Variants in NALF1 observed in about 807,000 individuals in gnomAD.
NALF1 encodes the protein NALCN channel auxiliary factor 1, also known as family with sequence similarity 155 member A.
NALF1 carries 3 observed loss-of-function variants against 48.4 expected under a neutral mutation model. The observed-to-expected ratio is 0.06, with a 90% CI of 0.03 to 0.16. The LOEUF (loss-of-function observed/expected upper bound fraction) is 0.16. Among genes scored for constraint, NALF1 ranks in the 10% least tolerant of loss-of-function variants. The pLI is 1.00. For synonymous variants in NALF1, 262 were observed against 245.7 expected (o/e 1.07, Z -0.62); for missense variants, 526 against 571.5 (o/e 0.92, Z 0.81).
intron 1 of NALF1, among the ~76,000 whole-genome samples, chr13:107,598,372 T>C (rs1159000106): frequency 6.6e-6 from 1 of 152,206 alleles, no homozygotes; most frequent in East Asian, 1.9e-4. Context: ...TGCTCATGTT[T>C]TTAAGTAATC....
At chr13:107,433,847 GAAACAC>G (rs1221885556) in intron 1 of NALF1, among the ~76,000 whole-genome samples, 1 of 152,098 alleles carries the variant, frequency 6.6e-6, no homozygotes, top group Non-Finnish European at 1.5e-5. Flanking sequence ...CCCATCTCAA[GAAACAC>G]ACAAGCAGCA....
chr13:107,425,385 T>C (rs1280967688), intron 1 of NALF1, among the ~76,000 whole-genome samples: 2 of 152,264 alleles, frequency 1.3e-5, no homozygotes. Flanking sequence ...AATATAAGTG[T>C]ATGAAAGAAG....
intron 2 of NALF1, among the ~76,000 whole-genome samples, chr13:107,208,238 G>T (rs112578826): frequency 6.6e-6 from 1 of 152,178 alleles, no homozygotes; most frequent in African/African-American, 2.4e-5. Context: ...CAAATGTTCA[G>T]TGATGAGATT....
intron 2 of NALF1, among the ~76,000 whole-genome samples, chr13:107,184,651 C>T (rs757773077): frequency 3.9e-5 from 6 of 152,084 alleles, no homozygotes; most frequent in Non-Finnish European, 5.9e-5. Flanking sequence ...AGCTAAATTC[C>T]GTTTCACTCT....
chr13:107,611,991 AG>A (rs1487775448), intron 1 of NALF1, among the ~76,000 whole-genome samples: 8 of 140,296 alleles, frequency 5.7e-5, no homozygotes, highest in Non-Finnish European at 7.7e-5. Context: ...AGAAGAGGAG[AG>A]GAGAGGAGAG....
At chr13:107,404,030 TAAAG>T (rs938401269) in intron 1 of NALF1, among the ~76,000 whole-genome samples, 1 of 152,122 alleles carries the variant, frequency 6.6e-6, no homozygotes, top group African/African-American at 2.4e-5. Context: ...CACTTAAAAA[TAAAG>T]ATTTAGTTAC....
chr13:107,753,791 A>T (rs1877007938), intron 1 of NALF1, among the ~76,000 whole-genome samples: 1 of 152,162 alleles, frequency 6.6e-6, no homozygotes, highest in Non-Finnish European at 1.5e-5. Flanking sequence ...AACTGAAAAG[A>T]TGGAGTTGAA....
chr13:107,448,848 T>G (rs1382110394), intron 1 of NALF1, among the ~76,000 whole-genome samples: 1 of 152,192 alleles, frequency 6.6e-6, no homozygotes, highest in Non-Finnish European at 1.5e-5. Flanking sequence ...GGTACCACTT[T>G]TCTCAAGCTG....
intron 1 of NALF1, among the ~76,000 whole-genome samples, chr13:107,836,477 T>C (rs1275318368): frequency 6.6e-6 from 1 of 152,142 alleles, no homozygotes; most frequent in Non-Finnish European, 1.5e-5. Context: ...AATATTTCAA[T>C]ATCATTAAAA....
At chr13:107,469,760 T>G (rs1885068002) in intron 1 of NALF1, among the ~76,000 whole-genome samples, 1 of 110,990 alleles carries the variant, frequency 9.0e-6, no homozygotes, top group East Asian at 2.3e-4. Flanking sequence ...TTTTTTTTTT[T>G]TGAGACAGCG....
At chr13:107,705,968 A>G (rs1371740571) in intron 1 of NALF1, among the ~76,000 whole-genome samples, 1 of 152,100 alleles carries the variant, frequency 6.6e-6, no homozygotes, top group Non-Finnish European at 1.5e-5. Flanking sequence ...AAAGAGATAG[A>G]CTCTTTGAGC....
chr13:107,502,163 A>C (rs933466487), intron 1 of NALF1, among the ~76,000 whole-genome samples: 1 of 152,190 alleles, frequency 6.6e-6, no homozygotes, highest in Non-Finnish European at 1.5e-5. Flanking sequence ...AATTTTCATG[A>C]AAATACAAAT....
At chr13:107,853,731 C>A (rs540525050) in intron 1 of NALF1, among the ~76,000 whole-genome samples, 1 of 152,212 alleles carries the variant, frequency 6.6e-6, no homozygotes. Context: ...ACAGATTCTG[C>A]AGTTATTTAG....
At chr13:107,754,807 ACACTGACAAGAACAATGC>A (rs531860294) in intron 1 of NALF1, among the ~76,000 whole-genome samples, 5,046 of 152,258 alleles carry the variant, frequency 0.033, 119 homozygotes, top group Middle Eastern at 0.061. Context: ...CCATCCACTA[ACACTGACAAGAACAATGC>A]CTTCACATAC....
chr13:107,524,520 A>G (rs1876363160), intron 1 of NALF1, among the ~76,000 whole-genome samples: 1 of 152,142 alleles, frequency 6.6e-6, no homozygotes. Context: ...AGGATGATCA[A>G]CCAAGCAGCA....
intron 1 of NALF1, among the ~76,000 whole-genome samples, chr13:107,538,881 T>C (rs1197346044): frequency 6.6e-6 from 1 of 152,182 alleles, no homozygotes; most frequent in Non-Finnish European, 1.5e-5. Context: ...TCAATATAGC[T>C]TAGCTTTCAT....
intron 1 of NALF1, among the ~76,000 whole-genome samples, chr13:107,825,697 GAAACTTCAT>G (rs1460620300): frequency 2.0e-5 from 3 of 152,206 alleles, no homozygotes; most frequent in African/African-American, 7.2e-5. Flanking sequence ...GAAAAGAGGA[GAAACTTCAT>G]AAACCTTTTA....
intron 1 of NALF1, among the ~76,000 whole-genome samples, chr13:107,676,618 T>TC (rs1566439836): frequency 9.2e-5 from 14 of 151,698 alleles, no homozygotes; most frequent in African/African-American, 3.2e-4. Context: ...TTAATTTAAT[T>TC]AATTAAATTA....
intron 1 of NALF1, among the ~76,000 whole-genome samples, chr13:107,490,039 A>C (rs1051493389): frequency 2.0e-5 from 3 of 152,208 alleles, no homozygotes; most frequent in Non-Finnish European, 4.4e-5. Context: ...ATGAGATACC[A>C]TCTTACACCA....
Sources: gnomAD v4.1 joint callset for allele counts (sites outside exome capture counted in the v4.1 genomes callset) on GRCh38, gnomAD v4.1.1 for gene constraint, MANE v1.5 for transcripts, NCBI Gene and HGNC (gene_info 2026-07-23, HGNC 2026-07-21) for gene names.